Variants in ZNF76 observed in about 807,000 individuals in gnomAD.
ZNF76 encodes zinc finger protein 76.
In ZNF76, 66 loss-of-function variants were observed where a neutral mutation model predicts 66.9. That is an observed-to-expected ratio of 0.99 (90% CI 0.81 to 1.21). The LOEUF (loss-of-function observed/expected upper bound fraction) is 1.21. Ranked by LOEUF, ZNF76 falls within the 50% of genes most tolerant of loss-of-function variation. The probability of loss-of-function intolerance (pLI) is 0.00; values close to 1 mark genes in which losing one functional copy is unlikely to be tolerated. For synonymous variants in ZNF76, 275 were observed against 296.1 expected, an observed-to-expected ratio of 0.93 and a Z score of 0.73; for missense variants, 729 against 760.3, an observed-to-expected ratio of 0.96 and a Z score of 0.48.
chr6:35,269,555 C>T (rs1206905378), intron 1 of ZNF76, among the ~76,000 whole-genome samples: 2 of 152,078 alleles, frequency 1.3e-5, no homozygotes, highest in Admixed American at 1.3e-4. Context: ...TTGGGAGTTC[C>T]TGCTACTTTT....
Position 35,292,736 on chromosome 6 carries a change from G to T in ZNF76, c.1114G>T (p.Glu372Ter). The change falls in exon 10 of 14, where the codon GAG (glutamate) becomes TAG (stop). Residue 372 changes from glutamate (E) to a stop codon, truncating the protein, a stop_gained. Transcript: ENST00000373953. LOFTEE classifies it high-confidence loss of function. This position sits in a 1 kb window ranked among gnomAD's most constrained non-coding sequence, Gnocchi z 4.7. ...CAAGCGCAGTGCCCACGGCGAGCTG[G>T]AGGCCACGGAGGAGAGCGAGCAGGC... Reference protein sequence around the residue: ...MHKRSAHGELEATEESEQALY... With the variant: ...MHKRSAHGEL The T allele has an allele frequency of 1.9e-6, 3 of 1,614,122 alleles. No homozygotes were observed. Among genetic ancestry groups the T allele is most frequent in the Non-Finnish European group, 2.5e-6 (3 of 1,180,006 alleles).
chr6:35,269,303 A>AT (rs1786653381), intron 1 of ZNF76, among the ~76,000 whole-genome samples: 1 of 146,440 alleles, frequency 6.8e-6, no homozygotes, highest in South Asian at 2.1e-4. Context: ...AAAAAAAAAA[A>AT]TGTATGAGGC....
rs558344514 is a variant in ZNF76, at chr6:35,274,923, G to C, written c.-96-6133G>C. Among the ~76,000 whole-genome samples, 3 of 152,260 alleles carry C rather than the reference G, an allele frequency of 2.0e-5. No homozygotes were observed. In the East Asian group the frequency reaches 5.8e-4, roughly 29 times the overall value. On this transcript the variant is annotated intron_variant, in intron 1 of 13. Transcript: ENST00000373953. ...TAATCCCAGCATTTTGGGAGGCCAAGGTGGGCGGATCAAGAGGTCAGGAGT... is the reference window on the plus strand; with the variant it reads ...TAATCCCAGCATTTTGGGAGGCCAACGTGGGCGGATCAAGAGGTCAGGAGT...
rs73745179 is a variant in ZNF76 at position 35,295,280 on chromosome 6, G to A, written c.*32G>A. The A allele has an allele frequency of 1.3e-3, 1,995 of 1,547,326 alleles. 16 individuals carry two copies. In the African/African-American group the frequency reaches 0.016, roughly 13 times the overall value. On this transcript the variant is annotated 3_prime_UTR_variant, in exon 14 of 14. Coordinates refer to ENST00000373953, the MANE Select transcript of ZNF76 (RefSeq NM_003427.5). The stretch of plus-strand genomic sequence containing the variant: ...GAGGGCTGGGTCCCACACCATGCTG[G>A]AGGAAGTGCCATCTGCATGGCCACT...
chr6:35,284,098 C>T (rs1562114868), intron 2 of ZNF76, among the ~76,000 whole-genome samples: 2 of 147,186 alleles, frequency 1.4e-5, no homozygotes, highest in South Asian at 2.1e-4. Context: ...TTTTTTCTTC[C>T]TTTTTTTTTT....
intron 1 of ZNF76, among the ~76,000 whole-genome samples, chr6:35,272,497 G>A (rs1787240229): frequency 1.8e-5 from 1 of 55,850 alleles, no homozygotes; most frequent in African/African-American, 3.9e-5. Context: ...GTGTGTGTGT[G>A]TGTGTGTGTG....
chr6:35,280,529 C>CT (rs1302696640), intron 1 of ZNF76, among the ~76,000 whole-genome samples: 34 of 127,276 alleles, frequency 2.7e-4, no homozygotes, highest in African/African-American at 4.5e-4. Flanking sequence ...CCCCCCCCCC[C>CT]GCCCTGAAGT....
chr6:35,292,714 G>A lies in ZNF76; in HGVS notation c.1092G>A (p.Lys364=). 1 of 1,614,182 alleles carries A rather than the reference G, an allele frequency of 6.2e-7. No individual in the cohort carries two copies. Among genetic ancestry groups the A allele is most frequent in the Non-Finnish European group, 8.5e-7 (1 of 1,180,044 alleles). The change falls in exon 10 of 14, where the codon AAG becomes AAA. Residue 364 remains lysine, a synonymous_variant. Transcript: ENST00000373953. This position sits in a 1 kb window ranked among gnomAD's most constrained non-coding sequence, Gnocchi z 4.7. Reference sequence around the variant, plus strand: ...AGACCTCCACCTTGGCCATGCACAAGCGCAGTGCCCACGGCGAGCTGGAGG... The same window carrying A: ...AGACCTCCACCTTGGCCATGCACAAACGCAGTGCCCACGGCGAGCTGGAGG... The part of the protein sequence containing the change: ...YRQTSTLAMH[K]RSAHGELEAT...
At chr6:35,274,126 C>G (rs1297371963) in intron 1 of ZNF76, among the ~76,000 whole-genome samples, 1 of 152,214 alleles carries the variant, frequency 6.6e-6, no homozygotes. Flanking sequence ...GCCTTCATCC[C>G]TCCCAAACTA....
upstream of ZNF76, chr6:35,259,577 C>T (rs73407681): frequency 0.098 from 14,942 of 152,240 alleles, 1,563 homozygotes; most frequent in African/African-American, 0.26. Flanking sequence ...CCAGGAGCCC[C>T]GGAACCAGGA....
At chr6:35,289,457 A>T (rs1790067312) in intron 5 of ZNF76, among the ~76,000 whole-genome samples, 1 of 152,110 alleles carries the variant, frequency 6.6e-6, no homozygotes, top group African/African-American at 2.4e-5. Flanking sequence ...GCTCACTGTA[A>T]CTTGTAGAGT....
intron 1 of ZNF76, among the ~76,000 whole-genome samples, chr6:35,276,688 G>A (rs1258415525): frequency 6.6e-6 from 1 of 152,136 alleles, no homozygotes; most frequent in Non-Finnish European, 1.5e-5. Flanking sequence ...ATTTGACAGA[G>A]GTGAGCTGCA....
At chr6:35,284,425 A>G (rs1339532777) in intron 2 of ZNF76, among the ~76,000 whole-genome samples, 6 of 139,204 alleles carry the variant, frequency 4.3e-5, no homozygotes, top group Non-Finnish European at 9.3e-5. Context: ...TTGAGACAGG[A>G]CCTCACTCTG....
chr6:35,284,988 G>A (rs920161659), intron 2 of ZNF76, among the ~76,000 whole-genome samples: 5 of 152,218 alleles, frequency 3.3e-5, no homozygotes, highest in Non-Finnish European at 5.9e-5. Flanking sequence ...TGGGATTATA[G>A]GCATGAGCCA....
chr6:35,287,669 G>A lies in ZNF76; in HGVS notation c.256G>A (p.Glu86Lys). The change falls in exon 5 of 14, where the codon GAA becomes AAA. Residue 86 changes from glutamate to lysine, a missense_variant. By Grantham distance (56) the Glu-to-Lys change is moderately conservative. Transcript: ENST00000373953. This position sits in a 1 kb window ranked among gnomAD's most constrained non-coding sequence, Gnocchi z 4.0. Reference protein sequence around the residue: ...PREGYDPSTLEAVQLEDGSTA... With the variant: ...PREGYDPSTLKAVQLEDGSTA... ...AGAAGGCTATGACCCCAGCACCCTG[G>A]AAGCCGTCCAACTGGAAGATGGCTC... is the stretch of plus-strand genomic sequence containing the variant. The A allele has an allele frequency of 1.9e-6, 3 of 1,613,570 alleles. No homozygotes were observed. The highest frequency in any genetic ancestry group is 2.5e-6 in the Non-Finnish European group (3 of 1,179,626).
intron 1 of ZNF76, among the ~76,000 whole-genome samples, chr6:35,276,052 A>G (rs1328199160): frequency 1.3e-5 from 2 of 152,234 alleles, no homozygotes; most frequent in Non-Finnish European, 2.9e-5. Context: ...TGGACAAGGT[A>G]CTATACCTCT....
At chr6:35,295,100 G>A in intron 13 of ZNF76, 44 bp from the exon 14 acceptor site, 1 of 1,486,486 alleles carries the variant, frequency 6.7e-7, no homozygotes, top group Admixed American at 1.8e-5. Context: ...ATCTAGCAGG[G>A]AGGGTCTCAC....
rs1398775649 is a variant in ZNF76 at position 35,286,189 on chromosome 6, C to G, written c.135C>G (p.His45Gln). Residue 45 changes from histidine to glutamine, a missense_variant, in exon 3 of 14, where the codon CAC (histidine) becomes CAG (glutamine). Physicochemically the swap from His to Gln is conservative, Grantham distance 24. Transcript: ENST00000373953. ...QLEDGTTAYI[H>Q]QVTVQKEALS... is the part of the protein sequence containing the mutation. ...AGGATGGGACCACCGCATACATTCA[C>G]CAGGTGACGGTACAGAAAGGTGAGG... The G allele has an allele frequency of 6.2e-7, 1 of 1,614,170 alleles. No individual in the cohort carries two copies. Among genetic ancestry groups the G allele is most frequent in the Admixed American group, 1.7e-5 (1 of 60,024 alleles).
chr6:35,291,198 A>G, intron 7 of ZNF76, 80 bp from the exon 8 acceptor site: 17 of 1,528,672 alleles, frequency 1.1e-5, no homozygotes, highest in Non-Finnish European at 1.4e-5. Context: ...GGAGGTGGAG[A>G]GCCTGTGCAT....
Sources: gnomAD v4.1 joint callset for allele counts (sites outside exome capture counted in the v4.1 genomes callset) on GRCh38, gnomAD v4.1.1 for gene constraint, Gnocchi (gnomAD v3.1) non-coding constraint, MANE v1.5 for transcripts, NCBI Gene and HGNC (gene_info 2026-07-23, HGNC 2026-07-21) for gene names.